NYAP2: variants seen among roughly 807,000 people sequenced by gnomAD.
NYAP2 encodes neuronal tyrosine-phosphorylated phosphoinositide-3-kinase adapter 2.
In NYAP2, 23 loss-of-function variants were observed where a neutral mutation model predicts 50.4. The ratio of observed to expected loss-of-function variants is 0.46; its 90% confidence interval spans 0.33 to 0.65. NYAP2 has a LOEUF of 0.65. NYAP2 is among the 30% of genes least tolerant of loss of function. NYAP2 has a pLI of 0.02. For synonymous variants in NYAP2, 394 were observed against 365.2 expected, an observed-to-expected ratio of 1.08 and a Z score of -0.90; for missense variants, 885 against 861.0, an observed-to-expected ratio of 1.03 and a Z score of -0.35.
intron 3 of NYAP2, among the ~76,000 whole-genome samples, chr2:225,512,632 C>T (rs1690839871): frequency 1.4e-5 from 2 of 147,724 alleles, no homozygotes. Context: ...TACTTTTTCT[C>T]CTTCCTTCCT....
intron 3 of NYAP2, among the ~76,000 whole-genome samples, chr2:225,431,304 A>G (rs1237904872): frequency 6.6e-6 from 1 of 152,230 alleles, no homozygotes; most frequent in East Asian, 1.9e-4. Context: ...CCTCATCAAC[A>G]AACGGTAGAC....
the NYAP2 span, among the ~76,000 whole-genome samples, chr2:225,684,311 A>G: frequency 6.6e-6 from 1 of 152,100 alleles, no homozygotes; most frequent in Admixed American, 6.6e-5. Context: ...GGAGATCACA[A>G]TTGGGATTAG....
At chr2:225,601,108 T>G (rs545581970) in intron 5 of NYAP2, among the ~76,000 whole-genome samples, 1 of 149,900 alleles carries the variant, frequency 6.7e-6, no homozygotes, top group South Asian at 2.1e-4. Context: ...ATGTGGGTAG[T>G]AATTCTGTGT....
At chr2:225,692,331 C>T in the NYAP2 span, among the ~76,000 whole-genome samples, 44 of 152,136 alleles carry the variant, frequency 2.9e-4, no homozygotes, top group Non-Finnish European at 2.9e-5. Context: ...TTTATTATGG[C>T]ACTGCATTGC....
intron 6 of NYAP2, among the ~76,000 whole-genome samples, chr2:225,634,216 C>A (rs1201731133): frequency 6.6e-6 from 1 of 152,172 alleles, no homozygotes; most frequent in Non-Finnish European, 1.5e-5. Context: ...TGCAAAATGG[C>A]ACGACCTCTA....
intron 3 of NYAP2, among the ~76,000 whole-genome samples, chr2:225,413,202 C>G (rs1695075081): frequency 6.6e-6 from 1 of 152,098 alleles, no homozygotes; most frequent in South Asian, 2.1e-4. Context: ...TCTCAAGTGT[C>G]TTTCTTTTCC....
intron 3 of NYAP2, among the ~76,000 whole-genome samples, chr2:225,431,365 AT>A (rs1199333700): frequency 2.0e-5 from 3 of 152,190 alleles, no homozygotes; most frequent in Non-Finnish European, 2.9e-5. Flanking sequence ...AATTAACAAA[AT>A]TCCATTTTCT....
chr2:225,528,186 A>G (rs1031120046), intron 4 of NYAP2, among the ~76,000 whole-genome samples: 1 of 152,204 alleles, frequency 6.6e-6, no homozygotes, highest in Non-Finnish European at 1.5e-5. Context: ...GAACAGGCAT[A>G]TATTGCTTTC....
chr2:225,473,958 C>G (rs1349353503), intron 3 of NYAP2, among the ~76,000 whole-genome samples: 3 of 152,192 alleles, frequency 2.0e-5, no homozygotes, highest in Non-Finnish European at 4.4e-5. Context: ...ACATTTAAGT[C>G]TTGAATCCAT....
chr2:225,622,571 CTTTCT>C (rs774642853), intron 5 of NYAP2, among the ~76,000 whole-genome samples: 1,044 of 57,010 alleles, frequency 0.018, 15 homozygotes, highest in South Asian at 0.03. Flanking sequence ...TTCTTTCTTT[CTTTCT>C]TTCTTCTTTC....
At chr2:225,656,919 T>C (rs1381495760), downstream of NYAP2, among the ~76,000 whole-genome samples, 1 of 152,130 alleles carries the variant, frequency 6.6e-6, no homozygotes, top group Non-Finnish European at 1.5e-5. Flanking sequence ...TTTGATTTTG[T>C]TCCTGTTCTT....
chr2:225,530,629 C>T (rs973361400), intron 4 of NYAP2, among the ~76,000 whole-genome samples: 7 of 152,156 alleles, frequency 4.6e-5, no homozygotes, highest in Non-Finnish European at 8.8e-5. Context: ...CTCACTGGCT[C>T]TCCTGTCTTC....
intron 3 of NYAP2, among the ~76,000 whole-genome samples, chr2:225,446,647 G>A (rs915510032): frequency 2.0e-5 from 3 of 152,090 alleles, no homozygotes; most frequent in African/African-American, 4.8e-5. Flanking sequence ...ACAATCTTTA[G>A]TGGTTAGCAA....
intron 4 of NYAP2, among the ~76,000 whole-genome samples, chr2:225,515,689 GGT>G (rs1295072622): frequency 1.2e-4 from 18 of 152,204 alleles, no homozygotes; most frequent in Non-Finnish European, 2.4e-4. Flanking sequence ...GTGGTTCATA[GGT>G]TTCCTTGATA....
intron 6 of NYAP2, among the ~76,000 whole-genome samples, chr2:225,640,090 T>A (rs1469679757): frequency 6.6e-6 from 1 of 152,174 alleles, no homozygotes; most frequent in Non-Finnish European, 1.5e-5. Context: ...GCTTATGTGA[T>A]CACATATACA....
chr2:225,414,119 G>T (rs1015546590), intron 3 of NYAP2, among the ~76,000 whole-genome samples: 1 of 152,082 alleles, frequency 6.6e-6, no homozygotes, highest in African/African-American at 2.4e-5. Flanking sequence ...GGCTTTCTGA[G>T]CCCAATTCCT....
chr2:225,462,711 A>G (rs1689852752), intron 3 of NYAP2, among the ~76,000 whole-genome samples: 2 of 152,152 alleles, frequency 1.3e-5, no homozygotes, highest in Non-Finnish European at 2.9e-5. Flanking sequence ...ATGTCAGACA[A>G]TAGAAGTATT....
intron 3 of NYAP2, among the ~76,000 whole-genome samples, chr2:225,453,158 TTTA>T (rs1006852959): frequency 2.0e-5 from 3 of 152,192 alleles, no homozygotes; most frequent in African/African-American, 7.2e-5. Context: ...TAAATGTGTA[TTTA>T]TTATTATAAC....
At chr2:225,570,703 G>C (rs1182529510) in intron 4 of NYAP2, among the ~76,000 whole-genome samples, 1 of 152,144 alleles carries the variant, frequency 6.6e-6, no homozygotes, top group African/African-American at 2.4e-5. Flanking sequence ...TGAGATTTGG[G>C]TGGGGACATA....
Sources: allele counts gnomAD v4.1 joint callset (sites outside exome capture counted in the v4.1 genomes callset), GRCh38; gene constraint gnomAD v4.1.1; transcripts MANE v1.5; gene names NCBI Gene and HGNC (gene_info 2026-07-23, HGNC 2026-07-21).